PTCHD4: variants seen among roughly 807,000 people sequenced by gnomAD.
PTCHD4 encodes patched domain containing 4.
Under a neutral mutation model 58.1 loss-of-function variants are expected in PTCHD4, and 33 were observed. The ratio of observed to expected loss-of-function variants is 0.57; its 90% confidence interval spans 0.43 to 0.76. PTCHD4 has a LOEUF of 0.76. PTCHD4 is among the 30% of genes least tolerant of loss of function. The pLI is 0.00. For synonymous variants in PTCHD4, 478 were observed against 409.6 expected (o/e 1.17, Z -2.02); for missense variants, 1,058 against 1,027.1 (o/e 1.03, Z -0.41).
intron 3 of PTCHD4, among the ~76,000 whole-genome samples, chr6:48,067,922 T>G (rs1413755421): frequency 6.6e-6 from 1 of 152,138 alleles, no homozygotes; most frequent in Non-Finnish European, 1.5e-5. Flanking sequence ...GTTGCCCATC[T>G]TTTCCCCCCA....
At chr6:48,075,525 AAAC>A (rs1765048382) in intron 1 of PTCHD4, among the ~76,000 whole-genome samples, 1 of 151,756 alleles carries the variant, frequency 6.6e-6, no homozygotes, top group Non-Finnish European at 1.5e-5. Context: ...CCATGTCAAT[AAAC>A]CTTAGATTCA....
chr6:48,036,340 C>T (rs1231361260), intron 3 of PTCHD4, among the ~76,000 whole-genome samples: 2 of 152,082 alleles, frequency 1.3e-5, no homozygotes, highest in Non-Finnish European at 2.9e-5. Flanking sequence ...AGTAGTGCCC[C>T]TCATCCACAG....
chr6:48,070,600 A>G (rs1336824444), intron 1 of PTCHD4, among the ~76,000 whole-genome samples: 1 of 152,216 alleles, frequency 6.6e-6, no homozygotes, highest in Non-Finnish European at 1.5e-5. Context: ...AATAGCTTCT[A>G]TATTATCTCT....
chr6:48,053,063 T>C (rs1044774615), intron 3 of PTCHD4, among the ~76,000 whole-genome samples: 1 of 152,146 alleles, frequency 6.6e-6, no homozygotes, highest in Non-Finnish European at 1.5e-5. Flanking sequence ...ATGTTAATAC[T>C]GTTTGAATAT....
At chr6:47,908,641 C>T (rs530335517) in intron 4 of PTCHD4, among the ~76,000 whole-genome samples, 1 of 152,300 alleles carries the variant, frequency 6.6e-6, no homozygotes, top group South Asian at 2.1e-4. Context: ...GTCACCACCT[C>T]TCAGTAACGC....
In PTCHD4 at chr6:48,068,446, C is replaced by T. The variant is rs539834541; in HGVS notation, c.201G>A (p.Leu67=). Residue 67 remains leucine, a synonymous_variant, in exon 3 of 5, where the codon CTG becomes CTA. Transcript: ENST00000339488. The surrounding 1 kb of genome is among the most constrained non-coding windows in gnomAD (Gnocchi z 4.2). ...ALNRFQPEGD[L]ERLVAPSHSL... The stretch of plus-strand genomic sequence containing the variant: ...TGTGGCTGGGAGCGACCAGGCGCTC[C>T]AGGTCGCCCTCGGGCTGGAAGCGGT... The T allele has an allele frequency of 9.3e-5, 150 of 1,613,862 alleles. 1 individual carries two copies. In the East Asian group the frequency reaches 3.1e-3, roughly 34 times the overall value.
At chr6:48,061,087 T>G (rs1043924054) in intron 3 of PTCHD4, among the ~76,000 whole-genome samples, 2 of 152,192 alleles carry the variant, frequency 1.3e-5, no homozygotes, top group Non-Finnish European at 2.9e-5. Context: ...CTCCAAATAC[T>G]CCCATGTATG....
chr6:48,069,523 C>T lies in PTCHD4; in HGVS notation c.-566G>A, dbSNP rs142422224. 2.5e-4 allele frequency among the ~76,000 whole-genome samples: 38 copies of T among 152,318 alleles called. No homozygotes were observed. In the East Asian group the frequency reaches 7.4e-3, roughly 30 times the overall value. On this transcript the variant is annotated 5_prime_UTR_variant, in exon 2 of 5. Coordinates refer to ENST00000339488, the MANE Select transcript of PTCHD4 (RefSeq NM_001384253.1). ...GCAAGGGATTTCCTCGCAACACCTT[C>T]CTCGCTGTGATTCCACAGACCAGTC... is the stretch of plus-strand genomic sequence containing the variant.
At position 47,982,317 on chromosome 6, in the gene PTCHD4, C is replaced by G. The variant is rs181581364; in HGVS notation, c.898+26317G>C. The stretch of plus-strand genomic sequence containing the variant: ...CCATCTCCCTTTGGATTTTCTCCAA[C>G]AAATCTATCACAATCTGCTCTTTTT... On this transcript the variant is annotated intron_variant, in intron 4 of 4. Transcript: ENST00000339488. 5.1e-3 allele frequency among the ~76,000 whole-genome samples: 770 copies of G among 152,186 alleles called. 9 individuals carry two copies. Among genetic ancestry groups the G allele is most frequent in the African/African-American group, 0.016 (669 of 41,532 alleles).
chr6:47,949,870 G>T (rs1253272513), intron 4 of PTCHD4, among the ~76,000 whole-genome samples: 3 of 146,920 alleles, frequency 2.0e-5, no homozygotes, highest in African/African-American at 5.0e-5. Flanking sequence ...AACTTGGATT[G>T]TTTTTTTTTT....
chr6:47,993,595 G>T (rs1768362400), intron 4 of PTCHD4, among the ~76,000 whole-genome samples: 1 of 152,200 alleles, frequency 6.6e-6, no homozygotes, highest in African/African-American at 2.4e-5. Flanking sequence ...TCAAAGTCAG[G>T]TGGACAATGC....
At chr6:47,896,831 A>C (rs1471936904) in intron 4 of PTCHD4, among the ~76,000 whole-genome samples, 5 of 152,140 alleles carry the variant, frequency 3.3e-5, no homozygotes, top group Admixed American at 3.3e-4. Context: ...GGCTTGGAAG[A>C]ATCAGAGACA....
chr6:47,981,367 T>G (rs995199488), intron 4 of PTCHD4, among the ~76,000 whole-genome samples: 1 of 152,154 alleles, frequency 6.6e-6, no homozygotes, highest in African/African-American at 2.4e-5. Context: ...CCTTTATTTT[T>G]TCTTTCTATT....
At chr6:48,101,143 G>A (rs1332097049) in intron 1 of PTCHD4, among the ~76,000 whole-genome samples, 1 of 151,870 alleles carries the variant, frequency 6.6e-6, no homozygotes, top group African/African-American at 2.4e-5. Flanking sequence ...ATTTTTAAGA[G>A]ACACATCCCA....
chr6:47,992,159 A>G (rs112312868), intron 4 of PTCHD4, among the ~76,000 whole-genome samples: 4,415 of 152,282 alleles, frequency 0.029, 100 homozygotes, highest in South Asian at 0.081. Context: ...ATTCTGATGA[A>G]GCTATAGTAA....
chr6:47,927,387 C>T (rs1188644474), intron 4 of PTCHD4, among the ~76,000 whole-genome samples: 1 of 152,152 alleles, frequency 6.6e-6, no homozygotes, highest in East Asian at 1.9e-4. Context: ...GCACTCATTC[C>T]CTGCTGGTCC....
intron 3 of PTCHD4, among the ~76,000 whole-genome samples, chr6:48,037,887 C>T (rs1169892807): frequency 7.0e-6 from 1 of 143,280 alleles, no homozygotes; most frequent in Non-Finnish European, 1.5e-5. Flanking sequence ...TTAAAATGAG[C>T]CACCAAATGC....
intron 3 of PTCHD4, among the ~76,000 whole-genome samples, chr6:48,017,916 T>A (rs1762921820): frequency 6.6e-6 from 1 of 152,208 alleles, no homozygotes; most frequent in African/African-American, 2.4e-5. Context: ...AACTCAACAC[T>A]GACAAGATGT....
chr6:48,051,474 G>A (rs987480990), intron 3 of PTCHD4, among the ~76,000 whole-genome samples: 1 of 151,818 alleles, frequency 6.6e-6, no homozygotes, highest in South Asian at 2.1e-4. Flanking sequence ...ACACACTAGG[G>A]AAAAAAGACC....
Sources: gnomAD v4.1 joint callset for allele counts (sites outside exome capture counted in the v4.1 genomes callset) on GRCh38, gnomAD v4.1.1 for gene constraint, Gnocchi (gnomAD v3.1) non-coding constraint, MANE v1.5 for transcripts, NCBI Gene and HGNC (gene_info 2026-07-23, HGNC 2026-07-21) for gene names.